POTEC: variants seen among roughly 807,000 people sequenced by gnomAD.
POTEC encodes ANKRD26-like family B member 2.
Under a neutral mutation model 62.0 loss-of-function variants are expected in POTEC, and 35 were observed. That is an observed-to-expected ratio of 0.56 (90% CI 0.43 to 0.75). POTEC has a LOEUF of 0.75. Ranked by LOEUF, POTEC falls within the 30% of genes least tolerant of loss-of-function variation. The pLI, the probability that POTEC is intolerant of heterozygous loss-of-function variation, is 0.00. For synonymous variants in POTEC, 156 were observed against 221.5 expected (o/e 0.70, Z 2.62); for missense variants, 472 against 655.9 (o/e 0.72, Z 3.06).
At chr18:14,533,371 C>A (rs1333542707) in intron 4 of POTEC, among the ~76,000 whole-genome samples, 173 bp from the exon 5 acceptor site, 1 of 152,050 alleles carries the variant, frequency 6.6e-6, no homozygotes, top group African/African-American at 2.4e-5. Context: ...TTGTAAAATA[C>A]CACCAAGGTT....
chr18:14,537,202 CACACACACAA>C (rs1357617738), intron 3 of POTEC, among the ~76,000 whole-genome samples: 111 of 82,552 alleles, frequency 1.3e-3, no homozygotes, highest in African/African-American at 7.3e-3. Context: ...CACACACACA[CACACACACAA>C]AAAAAAAAAA....
intron 1 of POTEC, among the ~76,000 whole-genome samples, chr18:14,540,194 C>T (rs1356909654): frequency 6.6e-6 from 1 of 151,756 alleles, no homozygotes; most frequent in Non-Finnish European, 1.5e-5. Flanking sequence ...TAAACAGAAG[C>T]CCTCTACTTC....
At chr18:14,535,375 T>C (rs1905679151) in intron 3 of POTEC, among the ~76,000 whole-genome samples, 1 of 151,576 alleles carries the variant, frequency 6.6e-6, no homozygotes. Context: ...GACAAAATTG[T>C]TGTGTATAAA....
intron 2 of POTEC, 51 bp from the exon 3 acceptor site, chr18:14,538,025 A>G: frequency 6.2e-7 from 1 of 1,600,898 alleles, no homozygotes. Flanking sequence ...AATTCAAAAT[A>G]ACATTCCACA....
intron 5 of POTEC, 132 bp from the exon 6 acceptor site, chr18:14,530,685 C>T (rs1206413010): frequency 2.2e-6 from 2 of 908,304 alleles, no homozygotes; most frequent in East Asian, 3.3e-5. Flanking sequence ...ATCCCATACA[C>T]TTATGAGTAC....
rs1386147216 is a variant in POTEC, at chr18:14,509,500, C to A, written c.*2398G>T. The A allele has an allele frequency of 6.6e-6, 1 of 151,888 alleles. No homozygotes were observed. The highest frequency in any genetic ancestry group is 2.0e-4 in the East Asian group (1 of 5,108). The allele number at this position is 151,888 out of a possible 1,614,324, so 9.4% of individuals were successfully genotyped here. ...GCTGTTAGGGCAAGTACAACAAAAC[C>A]CACCTGTGTAAACACACACAGCAAA... is the stretch of plus-strand genomic sequence containing the variant. On this transcript the variant is annotated 3_prime_UTR_variant, in exon 11 of 11. Transcript: ENST00000358970.
At position 14,508,524 on chromosome 18, in the gene POTEC, G is replaced by T. The variant is rs1160263611; in HGVS notation, c.*3374C>A. On this transcript the variant is annotated 3_prime_UTR_variant, in exon 11 of 11. Coordinates refer to ENST00000358970, the MANE Select transcript of POTEC (RefSeq NM_001137671.2). ...ATGCAATCACACACAATCACCATGT[G>T]ACTACATTATGAAAATTCTTCTAGT... is the stretch of plus-strand genomic sequence containing the variant. The T allele has an allele frequency of 6.6e-6, 1 of 152,594 alleles. No homozygotes were observed. Among genetic ancestry groups the T allele is most frequent in the Non-Finnish European group, 1.5e-5 (1 of 68,042 alleles). The allele number at this position is 152,594 out of a possible 1,614,324, so 9.5% of individuals were successfully genotyped here.
chr18:14,516,338 C>CTATATATATA (rs1567910128), intron 9 of POTEC, among the ~76,000 whole-genome samples: 14 of 30,224 alleles, frequency 4.6e-4, no homozygotes, highest in Admixed American at 4.6e-4. Context: ...ATATATATAC[C>CTATATATATA]TATACCTGAG....
At chr18:14,523,846 A>C (rs1168102224) in intron 7 of POTEC, among the ~76,000 whole-genome samples, 8 of 152,142 alleles carry the variant, frequency 5.3e-5, no homozygotes, top group Non-Finnish European at 1.5e-5. Flanking sequence ...GTTATGTGTT[A>C]AATCTACCAA....
At chr18:14,525,426 G>C (rs1598479213) in intron 6 of POTEC, among the ~76,000 whole-genome samples, 1 of 152,050 alleles carries the variant, frequency 6.6e-6, no homozygotes, top group East Asian at 1.9e-4. Context: ...TGAGAAGCCA[G>C]AGCCCACAGG....
At chr18:14,526,565 G>C (rs1910442201) in intron 6 of POTEC, among the ~76,000 whole-genome samples, 1 of 152,096 alleles carries the variant, frequency 6.6e-6, no homozygotes, top group African/African-American at 2.4e-5. Context: ...AGGCTAGCTA[G>C]ATTAAAAGTG....
intron 3 of POTEC, among the ~76,000 whole-genome samples, chr18:14,535,267 T>G (rs1484526179): frequency 6.9e-6 from 1 of 145,044 alleles, no homozygotes. Flanking sequence ...AAACGAGCAT[T>G]TGGCATGGCA....
intron 6 of POTEC, among the ~76,000 whole-genome samples, chr18:14,528,416 C>G (rs1184315535): frequency 1.3e-5 from 2 of 152,126 alleles, no homozygotes; most frequent in Non-Finnish European, 2.9e-5. Context: ...CATGTATTTG[C>G]CTTCCCAGTG....
At chr18:14,529,586 T>C (rs2045251121) in intron 6 of POTEC, among the ~76,000 whole-genome samples, 1 of 152,228 alleles carries the variant, frequency 6.6e-6, no homozygotes, top group Non-Finnish European at 1.5e-5. Flanking sequence ...CTAGTATTTT[T>C]GTTAATGTGA....
In POTEC at chr18:14,538,117, T is replaced by G. The variant is rs760417449; in HGVS notation, c.636+18A>C. The G allele has an allele frequency of 7.5e-5, 118 of 1,575,364 alleles. No homozygotes were observed. The highest frequency in any genetic ancestry group is 4.3e-4 in the Admixed American group (24 of 55,360). On this transcript the variant is annotated intron_variant, in intron 2 of 10. Coordinates refer to ENST00000358970, the MANE Select transcript of POTEC (RefSeq NM_001137671.2). ...AAATCAAACCCATCTCACGCTGATA[T>G]AGTTGACTACTGCATACCTTTATCA...
In POTEC at chr18:14,523,492, G is replaced by C. The variant is rs1439924388; in HGVS notation, c.1213C>G (p.Pro405Ala). 2 of 1,588,122 alleles carry C rather than the reference G, an allele frequency of 1.3e-6. No individual in the cohort carries two copies. Among genetic ancestry groups the C allele is most frequent in the African/African-American group, 2.7e-5 (2 of 73,672 alleles). The part of the protein sequence containing the change: ...NSQPEKMSQE[P>A]EINKDCDREV... Reference sequence around the variant, plus strand: ...CTATCACAGTCCTTATTTATTTCTGGTTCTTGAGACATTTTCTGCAGATGC... The same window carrying C: ...CTATCACAGTCCTTATTTATTTCTGCTTCTTGAGACATTTTCTGCAGATGC... Residue 405 changes from proline (P) to alanine (A), a missense_variant, in exon 8 of 11, where the codon CCA (proline) becomes GCA (alanine). Physicochemically the swap from Pro to Ala is conservative, Grantham distance 27. Around this residue, in one of 5 missense-constraint regions of POTEC, gnomAD observed 83 missense variants for 254.3 expected, o/e 0.33. Coordinates refer to ENST00000358970, the MANE Select transcript of POTEC (RefSeq NM_001137671.2).
At chr18:14,537,456 G>T in intron 3 of POTEC, among the ~76,000 whole-genome samples, 2 of 150,672 alleles carry the variant, frequency 1.3e-5, no homozygotes. Flanking sequence ...TTTTCTTGGA[G>T]TTTTAATGTA....
At chr18:14,530,919 T>G (rs1218545712) in intron 5 of POTEC, among the ~76,000 whole-genome samples, 1 of 152,112 alleles carries the variant, frequency 6.6e-6, no homozygotes, top group Non-Finnish European at 1.5e-5. Flanking sequence ...AAGTGAGGAC[T>G]TTGCTGCCTT....
Position 14,509,858 on chromosome 18 carries a change from CTTCTTTT to C in POTEC, c.*2033_*2039del. 1 of 144,300 alleles carries C rather than the reference CTTCTTTT, an allele frequency of 6.9e-6. No homozygotes were observed. Among genetic ancestry groups the C allele is most frequent in the Middle Eastern group, 3.4e-3 (1 of 292 alleles). The allele number at this position is 144,300 out of a possible 1,614,324, so 8.9% of individuals were successfully genotyped here. On this transcript the variant is annotated 3_prime_UTR_variant, in exon 11 of 11. Transcript: ENST00000358970. ...ACTGCTCTACACAAACGTGGCCAGA[CTTCTTTT>C]TTAAGCAAGTCCCCTTTTTTACGAA...
Sources: allele counts gnomAD v4.1 joint callset (sites outside exome capture counted in the v4.1 genomes callset), GRCh38; gene constraint gnomAD v4.1.1; regional missense constraint gnomAD v4.1.1; transcripts MANE v1.5; gene names NCBI Gene and HGNC (gene_info 2026-07-23, HGNC 2026-07-21).